The following CAST variants were observed in gnomAD, a reference collection of about 807,000 sequenced individuals.
The protein encoded by CAST is MIR583 host.
CAST carries 76 observed loss-of-function variants against 119.6 expected under a neutral mutation model. The ratio of observed to expected loss-of-function variants is 0.64; its 90% CI spans 0.53 to 0.77. CAST has a LOEUF of 0.77. Ranked by LOEUF, CAST falls within the 30% of genes least tolerant of loss-of-function variation. The pLI is 0.00. For synonymous variants in CAST, 319 were observed against 331.6 expected (o/e 0.96, Z 0.41); for missense variants, 953 against 946.5 (o/e 1.01, Z -0.09).
At chr5:96,368,539 T>C in the CAST span, among the ~76,000 whole-genome samples, 1 of 151,472 alleles carries the variant, frequency 6.6e-6, no homozygotes. Context: ...AGAATTATTC[T>C]CAAACTCCAC....
chr5:96,726,721 C>A, intron 4 of CAST, 73 bp from the exon 5 acceptor site: 1 of 1,006,984 alleles, frequency 9.9e-7, no homozygotes, highest in Non-Finnish European at 1.5e-6. Flanking sequence ...TCATTTTAAC[C>A]CTTTTTGTAC....
At chr5:96,537,233 G>A (rs924574858) in intron 1 of CAST, among the ~76,000 whole-genome samples, 1 of 151,980 alleles carries the variant, frequency 6.6e-6, no homozygotes, top group African/African-American at 2.4e-5. Context: ...CCTTCACTTC[G>A]CCCAAAAGCT....
chr5:96,544,610 C>CATT (rs3064106), intron 1 of CAST, among the ~76,000 whole-genome samples: 93,002 of 151,276 alleles, frequency 0.61, 28,861 homozygotes, highest in East Asian at 0.86. Context: ...ACCATTAAAA[C>CATT]AATAAAAAAG....
At chr5:96,601,125 ACTC>A (rs1204455721) in intron 1 of CAST, among the ~76,000 whole-genome samples, 1 of 150,120 alleles carries the variant, frequency 6.7e-6, no homozygotes, top group Non-Finnish European at 1.5e-5. Context: ...TCCTTCCCTT[ACTC>A]CTCCTTTCAC....
intron 1 of CAST, among the ~76,000 whole-genome samples, chr5:96,541,573 T>C (rs1164390658): frequency 6.6e-6 from 1 of 152,200 alleles, no homozygotes; most frequent in Non-Finnish European, 1.5e-5. Context: ...TATAGTATTA[T>C]ACAGAACAGT....
the CAST span, among the ~76,000 whole-genome samples, chr5:96,341,469 C>A: frequency 2.0e-5 from 3 of 151,898 alleles, no homozygotes; most frequent in South Asian, 6.2e-4. Context: ...TTCGAAATAA[C>A]AATTTTCTTT....
At chr5:96,757,980 C>T (rs1766721317) in intron 24 of CAST, among the ~76,000 whole-genome samples, 1 of 152,082 alleles carries the variant, frequency 6.6e-6, no homozygotes, top group Non-Finnish European at 1.5e-5. Flanking sequence ...TGAGCCACCG[C>T]GCCTGGCCTA....
chr5:96,325,378 CT>C, the CAST span, among the ~76,000 whole-genome samples: 67 of 150,070 alleles, frequency 4.5e-4, no homozygotes, highest in South Asian at 0.01. Flanking sequence ...TCTTTTCTTT[CT>C]TCTTTCTTTC....
chr5:96,730,334 T>G (rs1039555774), intron 8 of CAST, among the ~76,000 whole-genome samples: 3 of 152,250 alleles, frequency 2.0e-5, no homozygotes, highest in Non-Finnish European at 2.9e-5. Flanking sequence ...GATCTACCAC[T>G]TAAATGCCAC....
the CAST span, among the ~76,000 whole-genome samples, chr5:96,456,676 T>G: frequency 1.3e-5 from 2 of 152,238 alleles, no homozygotes; most frequent in African/African-American, 4.8e-5. Flanking sequence ...TGTGGACATA[T>G]TCTTGGCCTC....
the CAST span, chr5:96,308,884 T>A: frequency 3.9e-5 from 6 of 152,170 alleles, no homozygotes; most frequent in Non-Finnish European, 8.8e-5. Context: ...CTGTATGAGG[T>A]GAGTGTCGGC....
At chr5:96,326,236 C>T in the CAST span, among the ~76,000 whole-genome samples, 48 of 152,308 alleles carry the variant, frequency 3.2e-4, no homozygotes, top group East Asian at 7.1e-3. Flanking sequence ...CCACCCTTTC[C>T]CAATCTATTG....
the CAST span, among the ~76,000 whole-genome samples, chr5:96,422,847 A>C: frequency 5.3e-5 from 8 of 152,146 alleles, no homozygotes; most frequent in Non-Finnish European, 8.8e-5. Flanking sequence ...TTCCTTTCTC[A>C]GCTTGGCATA....
chr5:96,014,596 T>C, the CAST span, among the ~76,000 whole-genome samples: 2 of 152,186 alleles, frequency 1.3e-5, no homozygotes, highest in African/African-American at 4.8e-5. Flanking sequence ...TATGGCACTA[T>C]GATGGCTACA....
intron 1 of CAST, among the ~76,000 whole-genome samples, chr5:96,614,988 T>C (rs1747427231): frequency 6.6e-6 from 1 of 152,230 alleles, no homozygotes. Flanking sequence ...CAAATTTCAA[T>C]AGTTCAACTT....
the CAST span, among the ~76,000 whole-genome samples, chr5:96,035,308 G>A: frequency 4.2e-4 from 63 of 150,270 alleles, no homozygotes; most frequent in African/African-American, 1.5e-3. Flanking sequence ...AATTGATATA[G>A]TAAAAATATA....
intron 1 of CAST, among the ~76,000 whole-genome samples, chr5:96,542,028 A>G (rs1476116024): frequency 3.3e-5 from 5 of 152,178 alleles, no homozygotes; most frequent in Admixed American, 6.5e-5. Context: ...CTATTTTTGG[A>G]GGCCGGACGC....
At chr5:96,155,719 C>G in the CAST span, among the ~76,000 whole-genome samples, 1 of 152,180 alleles carries the variant, frequency 6.6e-6, no homozygotes, top group Admixed American at 6.5e-5. Context: ...AGTCCCATTT[C>G]TCCTCACCTC....
the CAST span, among the ~76,000 whole-genome samples, chr5:96,165,597 T>C: frequency 6.6e-6 from 1 of 152,208 alleles, no homozygotes; most frequent in Non-Finnish European, 1.5e-5. Flanking sequence ...TAACAACATA[T>C]ATAATATTCT....
Sources: gnomAD v4.1 joint callset for allele counts (sites outside exome capture counted in the v4.1 genomes callset) on GRCh38, gnomAD v4.1.1 for gene constraint, MANE v1.5 for transcripts, NCBI Gene and HGNC (gene_info 2026-07-23, HGNC 2026-07-21) for gene names.